Variants in OGFOD1 observed in about 807,000 individuals in gnomAD.
OGFOD1 encodes 2-oxoglutarate and iron dependent oxygenase domain containing 1, also known as prolyl 3-hydroxylase OGFOD1.
OGFOD1 carries 54 observed loss-of-function variants against 67.7 expected under a neutral mutation model. The ratio of observed to expected loss-of-function variants is 0.80; its 90% CI spans 0.64 to 1.00. OGFOD1 has a LOEUF of 1.00. OGFOD1 is among the 50% of genes least tolerant of loss of function. The probability of loss-of-function intolerance (pLI) is 0.00; values close to 1 mark genes in which losing one functional copy is unlikely to be tolerated. For synonymous variants in OGFOD1, 221 were observed against 227.0 expected, an observed-to-expected ratio of 0.97 and a Z score of 0.24; for missense variants, 606 against 646.7, an observed-to-expected ratio of 0.94 and a Z score of 0.68.
Position 56,470,603 on chromosome 16 carries a change from A to C in OGFOD1, c.1097A>C (p.His366Pro). 1 of 1,614,182 alleles carries C rather than the reference A, an allele frequency of 6.2e-7. No individual in the cohort carries two copies. Among genetic ancestry groups the C allele is most frequent in the Non-Finnish European group, 8.5e-7 (1 of 1,180,032 alleles). ...LLSNFTGLKL[H>P]FLAPSEEDEM... ...TCCAACTTCACAGGCCTGAAGCTTC[A>C]TTTCTTGGCCCCTTCGGAAGAAGAT... is the stretch of plus-strand genomic sequence containing the variant. Residue 366 changes from histidine (H) to proline (P), a missense_variant, in exon 10 of 13, where the codon CAT becomes CCT. Coordinates refer to ENST00000566157, the MANE Select transcript of OGFOD1 (RefSeq NM_018233.4).
In OGFOD1 at chr16:56,476,243, G is replaced by A. The variant is rs115896050; in HGVS notation, c.*38G>A. The A allele has an allele frequency of 5.7e-6, 9 of 1,584,658 alleles. No individual in the cohort carries two copies. Among genetic ancestry groups the A allele is most frequent in the East Asian group, 4.5e-5 (2 of 44,660 alleles). ...AAGCTGAACAAAAATGTGACCCTTC[G>A]TAATTACTGGGAAGTCTGAAAGAGC... On this transcript the variant is annotated 3_prime_UTR_variant, in exon 13 of 13. Coordinates refer to ENST00000566157, the MANE Select transcript of OGFOD1 (RefSeq NM_018233.4).
At chr16:56,466,060 TTGAATGTCAAACGGAC>T (rs1170117044) in intron 4 of OGFOD1, 76 bp from the exon 5 acceptor site, 1 of 845,140 alleles carries the variant, frequency 1.2e-6, no homozygotes, top group African/African-American at 1.7e-5. Flanking sequence ...GACATTACAG[TTGAATGTCAAACGGAC>T]TGATATTAAA....
intron 7 of OGFOD1, 61 bp from the exon 8 acceptor site, chr16:56,467,844 G>T (rs578055605): frequency 2.4e-6 from 2 of 828,414 alleles, no homozygotes; most frequent in African/African-American, 3.3e-5. Flanking sequence ...GTGAAATGAT[G>T]TAAGAGCAAA....
chr16:56,453,185 G>A (rs1364827956), intron 1 of OGFOD1, 78 bp from the exon 2 acceptor site: 3 of 1,444,044 alleles, frequency 2.1e-6, no homozygotes, highest in Non-Finnish European at 2.8e-6. Context: ...ATCCCCTTTT[G>A]TATTAGCTCT....
chr16:56,454,186 A>G (rs1263299037), intron 2 of OGFOD1, among the ~76,000 whole-genome samples: 1 of 152,102 alleles, frequency 6.6e-6, no homozygotes, highest in African/African-American at 2.4e-5. Context: ...CGTCTCTACT[A>G]AAAATATAAA....
chr16:56,457,902 A>T (rs530100460), intron 2 of OGFOD1, among the ~76,000 whole-genome samples: 10 of 151,992 alleles, frequency 6.6e-5, no homozygotes, highest in African/African-American at 2.4e-4. Flanking sequence ...CTGGTCTCGA[A>T]CTCCTGACCT....
chr16:56,451,586 T>A lies in OGFOD1; in HGVS notation c.-27T>A. 1 of 1,612,012 alleles carries A rather than the reference T, an allele frequency of 6.2e-7. No individual in the cohort carries two copies. The highest frequency in any genetic ancestry group is 8.5e-7 in the Non-Finnish European group (1 of 1,179,652). ...CAGGAAGGTAGCGTCTTGATCTGCG[T>A]GGCGTGGTTCTGTGCCTTGGGAAGA... is the stretch of plus-strand genomic sequence containing the variant. On this transcript the variant is annotated 5_prime_UTR_variant, in exon 1 of 13. Transcript: ENST00000566157.
In OGFOD1 at chr16:56,476,274, A is replaced by G; in HGVS notation, c.*69A>G. 6.8e-7 allele frequency: 1 copy of G among 1,475,058 alleles called. No homozygotes were observed. The highest frequency in any genetic ancestry group is 2.3e-5 in the East Asian group (1 of 43,682). 91.4% of individuals were successfully genotyped at this position (1,475,058 alleles called of 1,614,324 possible). ...ACTGGGAAGTCTGAAAGAGCTAAGC[A>G]TGGAGTCAAGGAGAACTACATGGTA... On this transcript the variant is annotated 3_prime_UTR_variant, in exon 13 of 13. Transcript: ENST00000566157.
intron 11 of OGFOD1, 40 bp from the exon 12 acceptor site, chr16:56,475,467 A>G (rs746611837): frequency 2.5e-6 from 4 of 1,594,902 alleles, no homozygotes; most frequent in Admixed American, 1.7e-5. Context: ...GACTCTTTCA[A>G]TAGGAGCTTT....
At chr16:56,458,440 T>C (rs1004781750) in intron 2 of OGFOD1, 108 bp from the exon 3 acceptor site, 1 of 981,712 alleles carries the variant, frequency 1.0e-6, no homozygotes, top group Admixed American at 1.8e-5. Flanking sequence ...CTTCAGAGTC[T>C]GGGCTCTTAA....
intron 4 of OGFOD1, among the ~76,000 whole-genome samples, chr16:56,464,033 G>A (rs1485217359): frequency 1.3e-5 from 2 of 152,110 alleles, no homozygotes; most frequent in African/African-American, 4.8e-5. Flanking sequence ...GTTGCATTTA[G>A]TTATAATATT....
chr16:56,472,032 G>A (rs1204495741), intron 10 of OGFOD1, among the ~76,000 whole-genome samples: 1 of 152,172 alleles, frequency 6.6e-6, no homozygotes, highest in Non-Finnish European at 1.5e-5. Flanking sequence ...TGCAATCACA[G>A]CTCACTGCAG....
intron 6 of OGFOD1, 79 bp downstream of exon 6, chr16:56,467,046 G>A (rs1280661657): frequency 4.2e-5 from 65 of 1,536,738 alleles, no homozygotes; most frequent in Non-Finnish European, 5.7e-5. Flanking sequence ...ACAGCTTCCT[G>A]TTAGACTTGT....
At chr16:56,458,665 A>C (rs1962610076) in intron 3 of OGFOD1, 71 bp downstream of exon 3, 2 of 1,221,476 alleles carry the variant, frequency 1.6e-6, no homozygotes, top group East Asian at 4.7e-5. Flanking sequence ...TAAATGTTAC[A>C]ACATTGTGTA....
chr16:56,455,417 C>T (rs1325518572), intron 2 of OGFOD1, among the ~76,000 whole-genome samples: 3 of 150,810 alleles, frequency 2.0e-5, no homozygotes, highest in Admixed American at 2.0e-4. Flanking sequence ...ATAAAAAGAG[C>T]CTTGGGTGAT....
intron 11 of OGFOD1, 36 bp from the exon 12 acceptor site, chr16:56,475,471 G>T (rs769402861): frequency 5.6e-6 from 9 of 1,600,074 alleles, no homozygotes; most frequent in South Asian, 1.1e-5. Flanking sequence ...CTTTCAATAG[G>T]AGCTTTCTGA....
At chr16:56,469,047 G>T (rs1963030916) in intron 8 of OGFOD1, among the ~76,000 whole-genome samples, 1 of 152,324 alleles carries the variant, frequency 6.6e-6, no homozygotes, top group South Asian at 2.1e-4. Flanking sequence ...AAGGTTTTGA[G>T]AAGTATTATA....
chr16:56,469,929 C>A, intron 8 of OGFOD1, 74 bp from the exon 9 acceptor site: 1 of 1,172,390 alleles, frequency 8.5e-7, no homozygotes, highest in Non-Finnish European at 1.3e-6. Context: ...TTTGGCAGAG[C>A]TGCTGTACCT....
At chr16:56,457,599 CTTT>C in intron 2 of OGFOD1, among the ~76,000 whole-genome samples, 1 of 151,472 alleles carries the variant, frequency 6.6e-6, no homozygotes, top group South Asian at 2.1e-4. Flanking sequence ...ACTCCAATGA[CTTT>C]TTTTTTCTTT....
Sources: allele counts gnomAD v4.1 joint callset (sites outside exome capture counted in the v4.1 genomes callset), GRCh38; gene constraint gnomAD v4.1.1; transcripts MANE v1.5; gene names NCBI Gene and HGNC (gene_info 2026-07-23, HGNC 2026-07-21).